CEP70: variants seen among roughly 807,000 people sequenced by gnomAD.
The protein encoded by CEP70 is centrosomal protein of 70 kDa.
In CEP70, 70 loss-of-function variants were observed where a neutral mutation model predicts 90.9. The ratio of observed to expected loss-of-function variants is 0.77; its 90% CI spans 0.64 to 0.94. The LOEUF (loss-of-function observed/expected upper bound fraction) is 0.94, where lower values mean the gene tolerates loss of function less well. Ranked by LOEUF, CEP70 falls within the 40% of genes least tolerant of loss-of-function variation. CEP70 has a pLI of 0.00. For synonymous variants in CEP70, 220 were observed against 228.3 expected (o/e 0.96, Z 0.33); for missense variants, 648 against 669.0 (o/e 0.97, Z 0.35).
At chr3:138,519,269 T>C (rs1333758353) in intron 11 of CEP70, among the ~76,000 whole-genome samples, 5 of 152,082 alleles carry the variant, frequency 3.3e-5, no homozygotes, top group Admixed American at 2.0e-4. Context: ...CAGTATATTA[T>C]CCAGGAGAAC....
chr3:138,537,189 G>A lies in CEP70; in HGVS notation c.624C>T (p.Val208=). Residue 208 remains valine, a synonymous_variant, in exon 7 of 18, where the codon GTC becomes GTT. Transcript: ENST00000264982. ...TGTAGCAAAATTACTGTCTATCCAA[G>A]ACGGTATGAGGAACTCTTTTGCACA... ...AYLCKRVPHT[V]LDRQLLCLID... is the part of the protein sequence containing the mutation. The A allele has an allele frequency of 6.4e-7, 1 of 1,560,406 alleles. No individual in the cohort carries two copies. Among genetic ancestry groups the A allele is most frequent in the Non-Finnish European group, 8.6e-7 (1 of 1,159,208 alleles).
At chr3:138,561,754 G>A (rs182296711) in intron 6 of CEP70, among the ~76,000 whole-genome samples, 126 of 152,140 alleles carry the variant, frequency 8.3e-4, no homozygotes, top group African/African-American at 2.6e-3. Flanking sequence ...GGCCGGGTGC[G>A]GTGGCTCACC....
At chr3:138,502,847 G>A (rs764162052) in intron 13 of CEP70, among the ~76,000 whole-genome samples, 12 of 152,118 alleles carry the variant, frequency 7.9e-5, no homozygotes, top group Non-Finnish European at 1.3e-4. Context: ...TACCGTGTAC[G>A]TCTGGCCTCT....
chr3:138,501,011 C>A (rs541494046), intron 13 of CEP70, 130 bp from the exon 14 acceptor site: 90 of 327,730 alleles, frequency 2.7e-4, no homozygotes, highest in African/African-American at 1.9e-3. Context: ...AACATAATTA[C>A]ACAGGTTAAA....
chr3:138,536,498 T>C lies in CEP70; in HGVS notation c.635+680A>G, dbSNP rs544392926. Among the ~76,000 whole-genome samples the C allele has an allele frequency of 4.8e-3, 738 of 152,178 alleles. 3 individuals carry two copies. Among genetic ancestry groups the C allele is most frequent in the African/African-American group, 0.017 (715 of 41,558 alleles). ...AGTATTTCAAGATATTTTAGAAATA[T>C]ACATCTTGACTGCATACATAGTGGA... On this transcript the variant is annotated intron_variant, in intron 7 of 17. Transcript: ENST00000264982.
At chr3:138,545,578 C>G (rs2039123589) in intron 6 of CEP70, among the ~76,000 whole-genome samples, 1 of 152,168 alleles carries the variant, frequency 6.6e-6, no homozygotes, top group Non-Finnish European at 1.5e-5. Context: ...ACCATAAGGT[C>G]TGACTGCCTG....
chr3:138,571,065 G>T lies in CEP70; in HGVS notation c.253C>A (p.Gln85Lys). 6.2e-7 allele frequency: 1 copy of T among 1,604,656 alleles called. No individual in the cohort carries two copies. Among genetic ancestry groups the T allele is most frequent in the South Asian group, 1.1e-5 (1 of 89,192 alleles). Reference protein sequence around the residue: ...EETSCQQNMIQELIETNQQLR... With the variant: ...EETSCQQNMIKELIETNQQLR... ...TGTTGATTAGTTTCTATAAGCTCCT[G>T]TATCATGTTCTGTTGACATGATGTT... Residue 85 changes from glutamine (Q) to lysine (K), a missense_variant, in exon 5 of 18, where the codon CAG becomes AAG. Coordinates refer to ENST00000264982, the MANE Select transcript of CEP70 (RefSeq NM_024491.4).
At chr3:138,573,828 A>G (rs2041340672) in intron 2 of CEP70, among the ~76,000 whole-genome samples, 1 of 152,242 alleles carries the variant, frequency 6.6e-6, no homozygotes, top group African/African-American at 2.4e-5. Flanking sequence ...GGTATCTGTT[A>G]ACACTGGGCT....
At chr3:138,586,777 T>C (rs1047012760) in intron 2 of CEP70, among the ~76,000 whole-genome samples, 3 of 152,072 alleles carry the variant, frequency 2.0e-5, no homozygotes, top group Admixed American at 2.0e-4. Flanking sequence ...GCACAATGGG[T>C]TGACTATATT....
intron 11 of CEP70, among the ~76,000 whole-genome samples, chr3:138,517,661 T>C (rs1383308894): frequency 6.6e-6 from 1 of 152,060 alleles, no homozygotes; most frequent in Non-Finnish European, 1.5e-5. Flanking sequence ...AGAGCAAGAC[T>C]CCGTCTCAAA....
chr3:138,566,553 C>CACAAGAATGGAAAACCAA (rs1283657442), intron 6 of CEP70, among the ~76,000 whole-genome samples: 3 of 152,014 alleles, frequency 2.0e-5, no homozygotes, highest in African/African-American at 7.3e-5. Context: ...AGCAAACTAA[C>CACAAGAATGGAAAACCAA]ACAAGAATGG....
In CEP70 at chr3:138,529,417, G is replaced by A. The variant is rs765333060; in HGVS notation, c.738C>T (p.Tyr246=). The change falls in exon 9 of 18, where the codon TAC becomes TAT. Residue 246 remains tyrosine, a synonymous_variant. Coordinates refer to ENST00000264982, the MANE Select transcript of CEP70 (RefSeq NM_024491.4). ...DESQSEEEND[Y]RNLDASPTYK... ...AAGTTGGTGAGGCATCCAGATTTCT[G>A]TAGTCGTTTTCTTCTTCTGACTGAC... The A allele has an allele frequency of 1.2e-6, 2 of 1,612,228 alleles. No individual in the cohort carries two copies. Among genetic ancestry groups the A allele is most frequent in the South Asian group, 1.1e-5 (1 of 90,782 alleles).
At chr3:138,584,890 C>G (rs1363997885) in intron 2 of CEP70, among the ~76,000 whole-genome samples, 1 of 151,732 alleles carries the variant, frequency 6.6e-6, no homozygotes, top group African/African-American at 2.4e-5. Context: ...AGATCTAGAA[C>G]AGAACAAGGA....
rs192054758 is a variant in CEP70 at position 138,537,045 on chromosome 3, T to C, written c.635+133A>G. The C allele has an allele frequency of 1.3e-4, 59 of 447,760 alleles. No homozygotes were observed. The African/African-American group carries it at 1.3e-3, about 10-fold the overall frequency. 27.7% of individuals were successfully genotyped at this position (447,760 alleles called of 1,614,324 possible). On this transcript the variant is annotated intron_variant, in intron 7 of 17. Coordinates refer to ENST00000264982, the MANE Select transcript of CEP70 (RefSeq NM_024491.4). The stretch of plus-strand genomic sequence containing the variant: ...GAACAGGATGAGCAGGGAAAAACAA[T>C]GCAGAAGAGGAGGAGAGAGAGGCTT...
At chr3:138,519,779 G>A (rs567059768) in intron 11 of CEP70, among the ~76,000 whole-genome samples, 3 of 152,190 alleles carry the variant, frequency 2.0e-5, no homozygotes, top group South Asian at 4.1e-4. Flanking sequence ...ATCAACTAAC[G>A]AGCAAAATAA....
In CEP70 at chr3:138,571,148, A is replaced by C. The variant is rs780849689; in HGVS notation, c.170T>G (p.Ile57Ser). 3 of 1,594,508 alleles carry C rather than the reference A, an allele frequency of 1.9e-6. No homozygotes were observed. The highest frequency in any genetic ancestry group is 2.6e-6 in the Non-Finnish European group (3 of 1,168,938). Residue 57 changes from isoleucine (I) to serine (S), a missense_variant, in exon 5 of 18, where the codon ATT (isoleucine) becomes AGT (serine). Physicochemically the swap from Ile to Ser is moderately radical, Grantham distance 142. Coordinates refer to ENST00000264982, the MANE Select transcript of CEP70 (RefSeq NM_024491.4). ...CCTTTGTGATGACTGTTTGTCAAAA[A>C]TGATGAGATCTACATTTAAAAAGTA... ...VKRTDLKDLI[I>S]FDKQSSQRMR... is the part of the protein sequence containing the mutation.
chr3:138,546,208 C>T (rs775567590), intron 6 of CEP70, among the ~76,000 whole-genome samples: 1 of 152,042 alleles, frequency 6.6e-6, no homozygotes, highest in Non-Finnish European at 1.5e-5. Context: ...TTTTCTCAGA[C>T]CAGCCAACAC....
chr3:138,535,511 T>C (rs1370549133), intron 7 of CEP70, among the ~76,000 whole-genome samples: 2 of 152,354 alleles, frequency 1.3e-5, no homozygotes, highest in African/African-American at 2.4e-5. Flanking sequence ...GTGTGCCCTA[T>C]TACTTAGCCC....
intron 2 of CEP70, among the ~76,000 whole-genome samples, chr3:138,585,779 T>C: frequency 6.6e-6 from 1 of 152,058 alleles, no homozygotes; most frequent in South Asian, 2.1e-4. Flanking sequence ...GCCAAGAACA[T>C]ACATTGGGGA....
Sources: gnomAD v4.1 joint callset for allele counts (sites outside exome capture counted in the v4.1 genomes callset) on GRCh38, gnomAD v4.1.1 for gene constraint, MANE v1.5 for transcripts, NCBI Gene and HGNC (gene_info 2026-07-23, HGNC 2026-07-21) for gene names.